The following GTF2F2 variants were observed in gnomAD, a reference collection of about 807,000 sequenced individuals.
The protein encoded by GTF2F2 is general transcription factor IIF subunit 2, also known as ATP-dependent helicase GTF2F2.
In GTF2F2, 23 loss-of-function variants were observed where a neutral mutation model predicts 42.2. That is an observed-to-expected ratio of 0.55 (90% CI 0.39 to 0.77). GTF2F2 has a LOEUF of 0.77. Ranked by LOEUF, GTF2F2 falls within the 30% of genes least tolerant of loss-of-function variation. The pLI is 0.00. For synonymous variants in GTF2F2, 105 were observed against 100.8 expected, an observed-to-expected ratio of 1.04 and a Z score of -0.25; for missense variants, 261 against 287.2, an observed-to-expected ratio of 0.91 and a Z score of 0.66.
chr13:45,149,868 A>G, intron 3 of GTF2F2, 80 bp downstream of exon 3: 4 of 1,356,126 alleles, frequency 2.9e-6, no homozygotes, highest in Non-Finnish European at 3.0e-6. Context: ...GAGTGTTTGA[A>G]TTTTGGAAAA....
At chr13:45,257,357 T>C (rs1303870642) in intron 6 of GTF2F2, among the ~76,000 whole-genome samples, 3 of 152,190 alleles carry the variant, frequency 2.0e-5, no homozygotes, top group Non-Finnish European at 4.4e-5. Context: ...TCATTGAGTG[T>C]CTGAAACTTG....
intron 4 of GTF2F2, among the ~76,000 whole-genome samples, chr13:45,201,107 A>T (rs987624708): frequency 2.0e-5 from 3 of 152,232 alleles, no homozygotes; most frequent in Non-Finnish European, 4.4e-5. Context: ...TTACATGCCA[A>T]TGCTAATAAG....
intron 6 of GTF2F2, among the ~76,000 whole-genome samples, chr13:45,256,378 A>G (rs1593521569): frequency 6.6e-6 from 1 of 152,152 alleles, no homozygotes; most frequent in Non-Finnish European, 1.5e-5. Context: ...GTAAGTACAA[A>G]CATGTTATAT....
intron 5 of GTF2F2, among the ~76,000 whole-genome samples, chr13:45,212,651 T>C (rs1054113897): frequency 6.6e-6 from 1 of 151,788 alleles, no homozygotes; most frequent in African/African-American, 2.4e-5. Context: ...CTCCAGCCTC[T>C]GCCTCCCAGG....
Position 45,267,347 on chromosome 13 carries a change from G to C in GTF2F2, c.601G>C (p.Asp201His). Residue 201 changes from aspartate (D) to histidine (H), a missense_variant, in exon 7 of 8, where the codon GAC (aspartate) becomes CAC (histidine). Physicochemically the swap from Asp to His is moderately conservative, Grantham distance 81 (BLOSUM62 -1). Coordinates refer to ENST00000340473, the MANE Select transcript of GTF2F2 (RefSeq NM_004128.3). ...FEKHQYYNLK[D>H]LVDITKQPVV... is the part of the protein sequence containing the mutation. ...GAAACATCAATACTATAATCTTAAG[G>C]ACTTGGTGGACATCACAAAGCAACC... 2.5e-6 allele frequency: 4 copies of C among 1,609,812 alleles called. No individual in the cohort carries two copies. The highest frequency in any genetic ancestry group is 3.4e-6 in the Non-Finnish European group (4 of 1,176,932).
intron 7 of GTF2F2, among the ~76,000 whole-genome samples, chr13:45,279,729 A>G (rs989898797): frequency 9.2e-5 from 14 of 152,078 alleles, no homozygotes; most frequent in African/African-American, 3.1e-4. Flanking sequence ...AACATGGAGA[A>G]ACTCCGTCTC....
chr13:45,123,707 A>G (rs1868810133), intron 1 of GTF2F2, among the ~76,000 whole-genome samples: 1 of 151,728 alleles, frequency 6.6e-6, no homozygotes, highest in African/African-American at 2.4e-5. Flanking sequence ...AAACAAATAT[A>G]GTAGTAGATT....
At chr13:45,162,557 C>T (rs114779775) in intron 4 of GTF2F2, among the ~76,000 whole-genome samples, 495 of 152,322 alleles carry the variant, frequency 3.2e-3, no homozygotes, top group African/African-American at 0.012. Context: ...GCCAGGTCTG[C>T]TCTCTGAAAA....
intron 4 of GTF2F2, among the ~76,000 whole-genome samples, chr13:45,198,998 A>T: frequency 6.6e-6 from 1 of 152,244 alleles, no homozygotes; most frequent in East Asian, 1.9e-4. Flanking sequence ...TATAAAATTT[A>T]TCTGCTCTAA....
chr13:45,221,829 T>G (rs1391471391), intron 5 of GTF2F2, among the ~76,000 whole-genome samples: 1 of 151,940 alleles, frequency 6.6e-6, no homozygotes, highest in African/African-American at 2.4e-5. Context: ...CACATCTCAT[T>G]CATTAGACAG....
At chr13:45,162,138 T>C (rs890548932) in intron 4 of GTF2F2, among the ~76,000 whole-genome samples, 1 of 152,242 alleles carries the variant, frequency 6.6e-6, no homozygotes, top group Non-Finnish European at 1.5e-5. Context: ...TATTTCCTGA[T>C]ATTTAGAAAT....
At chr13:45,204,409 A>G (rs1435435929) in intron 4 of GTF2F2, among the ~76,000 whole-genome samples, 2 of 152,246 alleles carry the variant, frequency 1.3e-5, no homozygotes, top group South Asian at 2.1e-4. Flanking sequence ...TGAGAATAAA[A>G]TGAATTATTT....
rs556794154 is a variant in GTF2F2 at position 45,257,563 on chromosome 13, A to G, written c.486+4593A>G. On this transcript the variant is annotated intron_variant, in intron 6 of 7. Transcript: ENST00000340473. Reference sequence around the variant, plus strand: ...AATTTGTTTAATCCTGCACTTACAAACATTTGAACATCAAATTTCCCCCCA... The same window carrying G: ...AATTTGTTTAATCCTGCACTTACAAGCATTTGAACATCAAATTTCCCCCCA... Among the ~76,000 whole-genome samples the G allele has an allele frequency of 3.3e-5, 5 of 152,354 alleles. No individual in the cohort carries two copies. The South Asian group carries it at 6.2e-4, about 19-fold the overall frequency.
chr13:45,124,668 TA>T (rs1210685487), intron 1 of GTF2F2, among the ~76,000 whole-genome samples: 2 of 151,612 alleles, frequency 1.3e-5, no homozygotes, highest in Non-Finnish European at 2.9e-5. Context: ...GGGTTCAAGC[TA>T]TTCTCCTGCC....
At chr13:45,235,041 CAAAAAAAAAAAAAAAA>C (rs61077504) in intron 5 of GTF2F2, among the ~76,000 whole-genome samples, 4 of 43,704 alleles carry the variant, frequency 9.2e-5, no homozygotes, top group Admixed American at 8.2e-4. Context: ...GCGGGAAACT[CAAAAAAAAAAAAAAAA>C]AAAAAAAAAA....
chr13:45,209,709 C>CA (rs1873556667), intron 5 of GTF2F2, among the ~76,000 whole-genome samples: 1 of 152,230 alleles, frequency 6.6e-6, no homozygotes, highest in East Asian at 1.9e-4. Flanking sequence ...AACATACATA[C>CA]AAAAGCCGGG....
intron 2 of GTF2F2, among the ~76,000 whole-genome samples, chr13:45,142,909 C>T (rs983222570): frequency 6.6e-6 from 1 of 152,042 alleles, no homozygotes; most frequent in Admixed American, 6.5e-5. Context: ...AATTTATGAG[C>T]CGATAAACAA....
chr13:45,259,925 T>C (rs1259191175), intron 6 of GTF2F2, among the ~76,000 whole-genome samples: 1 of 152,146 alleles, frequency 6.6e-6, no homozygotes. Context: ...AATATTTCTT[T>C]TCTTTGTTAG....
rs544577159 is a variant in GTF2F2, at chr13:45,208,235, T to C, written c.386+730T>C. On this transcript the variant is annotated intron_variant, in intron 5 of 7. Transcript: ENST00000340473. Reference sequence around the variant, plus strand: ...TAAACATATATACTGTGTTAGAGAGTTTGTTTCAGGATCTTCCCCTGCCCC... The same window carrying C: ...TAAACATATATACTGTGTTAGAGAGCTTGTTTCAGGATCTTCCCCTGCCCC... 1.6e-4 allele frequency among the ~76,000 whole-genome samples: 24 copies of C among 152,172 alleles called. 1 individual carries two copies. The highest frequency in any genetic ancestry group is 4.6e-4 in the African/African-American group (19 of 41,520).
Sources: allele counts gnomAD v4.1 joint callset (sites outside exome capture counted in the v4.1 genomes callset), GRCh38; gene constraint gnomAD v4.1.1; transcripts MANE v1.5; gene names NCBI Gene and HGNC (gene_info 2026-07-23, HGNC 2026-07-21).